Variants in FBXO40 observed in about 807,000 individuals in gnomAD.
The protein encoded by FBXO40 is F-box protein 40.
Under a neutral mutation model 49.9 loss-of-function variants are expected in FBXO40, and 50 were observed. The observed-to-expected ratio is 1.00, with a 90% CI of 0.80 to 1.27. The LOEUF is 1.27. FBXO40 is among the 50% of genes most tolerant of loss of function. The probability of loss-of-function intolerance (pLI) is 0.00; values close to 1 mark genes in which losing one functional copy is unlikely to be tolerated. For synonymous variants in FBXO40, 340 were observed against 320.2 expected (o/e 1.06, Z -0.66); for missense variants, 895 against 870.1 (o/e 1.03, Z -0.36).
rs941896744 is a variant in FBXO40 at position 121,627,583 on chromosome 3, A to G, written c.*673A>G. The stretch of plus-strand genomic sequence containing the variant: ...TCTGTTGCTAGAATCTTGGCAACAT[A>G]CAGCAGGAAAGCCTTGATAAATCGG... On this transcript the variant is annotated 3_prime_UTR_variant, in exon 4 of 4. Coordinates refer to ENST00000338040, the MANE Select transcript of FBXO40 (RefSeq NM_016298.4). 4 of 338,400 alleles carry G rather than the reference A, an allele frequency of 1.2e-5. No homozygotes were observed. The highest frequency in any genetic ancestry group is 4.8e-5 in the Admixed American group (1 of 20,818). 21.0% of individuals were successfully genotyped at this position (338,400 alleles called of 1,614,324 possible). A position where few individuals can be genotyped will look rare whatever the true frequency, so the allele number is the denominator to read the frequency against.
rs1473522638 is a variant in FBXO40 at position 121,621,595 on chromosome 3, C to A, written c.166C>A (p.Leu56Ile). Residue 56 changes from leucine (L) to isoleucine (I), a missense_variant, in exon 3 of 4, where the codon CTC becomes ATC. Transcript: ENST00000338040. ...CATGTGCAAAGAGGCAGAGCACCAG[C>A]TCCTCTGCCCTTTAGAGCAGGTTCC... ...FHMCKEAEHQ[L>I]LCPLEQVPCL... is the part of the protein sequence containing the mutation. 2 of 1,614,244 alleles carry A rather than the reference C, an allele frequency of 1.2e-6. No homozygotes were observed. The highest frequency in any genetic ancestry group is 1.7e-6 in the Non-Finnish European group (2 of 1,180,036).
In FBXO40 at chr3:121,621,809, C is replaced by A; in HGVS notation, c.380C>A (p.Thr127Lys). 1 of 1,614,228 alleles carries A rather than the reference C, an allele frequency of 6.2e-7. No individual in the cohort carries two copies. The highest frequency in any genetic ancestry group is 8.5e-7 in the Non-Finnish European group (1 of 1,180,048). The change falls in exon 3 of 4, where the codon ACA becomes AAA. Residue 127 changes from threonine (T) to lysine (K), a missense_variant. Transcript: ENST00000338040. ...ACCCCCAGTGAGGAGTGTTTGGACA[C>A]AGCCCTGGCCCTGCAGGATCAGAAG... ...KETPSEECLD[T>K]ALALQDQKVL... is the part of the protein sequence containing the mutation.
At chr3:121,608,297 C>G (rs554647418) in intron 1 of FBXO40, among the ~76,000 whole-genome samples, 2 of 152,282 alleles carry the variant, frequency 1.3e-5, no homozygotes, top group African/African-American at 4.8e-5. Context: ...CCACTCTTTC[C>G]AAATGTCGGC....
chr3:121,622,585 A>C lies in FBXO40; in HGVS notation c.1156A>C (p.Thr386Pro). ...KAVDTSDLGITVEDLPKSDLI... is the reference protein window; with the variant it reads ...KAVDTSDLGIPVEDLPKSDLI... Reference sequence around the variant, plus strand: ...AGTGGATACTTCAGATTTGGGGATCACTGTGGAGGACCTGCCCAAATCAGA... The same window carrying C: ...AGTGGATACTTCAGATTTGGGGATCCCTGTGGAGGACCTGCCCAAATCAGA... Residue 386 changes from threonine to proline, a missense_variant, in exon 3 of 4, where the codon ACT (threonine) becomes CCT (proline). Coordinates refer to ENST00000338040, the MANE Select transcript of FBXO40 (RefSeq NM_016298.4). 1 of 1,614,248 alleles carries C rather than the reference A, an allele frequency of 6.2e-7. No individual in the cohort carries two copies. The highest frequency in any genetic ancestry group is 8.5e-7 in the Non-Finnish European group (1 of 1,180,046).
In FBXO40 at chr3:121,600,279, A is replaced by G. The variant is rs191043749; in HGVS notation, c.-31+6777A>G. Among the ~76,000 whole-genome samples, 453 of 148,308 alleles carry G rather than the reference A, an allele frequency of 3.1e-3. 2 individuals carry two copies. The highest frequency in any genetic ancestry group is 0.011 in the African/African-American group (430 of 40,086). ...GATCTCAATCTCCTGAGCTCAAGCA[A>G]TCTCCCACCTTGGCCTCCCAATGTG... On this transcript the variant is annotated intron_variant, in intron 1 of 3. Coordinates refer to ENST00000338040, the MANE Select transcript of FBXO40 (RefSeq NM_016298.4).
chr3:121,622,633 T>C lies in FBXO40; in HGVS notation c.1204T>C (p.Cys402Arg). The change falls in exon 3 of 4, where the codon TGT becomes CGT. Residue 402 changes from cysteine to arginine, a missense_variant. Cys to Arg is a radical substitution (Grantham distance 180). Coordinates refer to ENST00000338040, the MANE Select transcript of FBXO40 (RefSeq NM_016298.4). ...AGATCTCATCAAGACCACCCTCCAG[T>C]GTGCTTTGGAAAGAGAACTCAAAGG... The part of the protein sequence containing the change: ...KSDLIKTTLQ[C>R]ALERELKGHV... 6.2e-7 allele frequency: 1 copy of C among 1,614,186 alleles called. No homozygotes were observed. Among genetic ancestry groups the C allele is most frequent in the Non-Finnish European group, 8.5e-7 (1 of 1,180,024 alleles).
Position 121,628,245 on chromosome 3 carries a change from C to T in FBXO40, c.*1335C>T, listed in dbSNP as rs2049073959. The T allele has an allele frequency of 2.0e-5, 4 of 198,536 alleles. No individual in the cohort carries two copies. The highest frequency in any genetic ancestry group is 3.8e-4 in the South Asian group (2 of 5,204). The allele number at this position is 198,536 out of a possible 1,614,324, so 12.3% of individuals were successfully genotyped here. On this transcript the variant is annotated 3_prime_UTR_variant, in exon 4 of 4. Coordinates refer to ENST00000338040, the MANE Select transcript of FBXO40 (RefSeq NM_016298.4). Reference sequence around the variant, plus strand: ...AGGCTGGAGCGCAATGACATGATCTCGGCTCACCGCAACCTCCGCCTCCTG... The same window carrying T: ...AGGCTGGAGCGCAATGACATGATCTTGGCTCACCGCAACCTCCGCCTCCTG...
intron 3 of FBXO40, among the ~76,000 whole-genome samples, chr3:121,626,493 G>A (rs1190294024): frequency 6.6e-6 from 1 of 152,132 alleles, no homozygotes; most frequent in Non-Finnish European, 1.5e-5. Context: ...CTACAGGGCT[G>A]GTTGGGAAGA....
At chr3:121,606,336 T>G (rs2108846147) in intron 1 of FBXO40, among the ~76,000 whole-genome samples, 1 of 152,294 alleles carries the variant, frequency 6.6e-6, no homozygotes, top group South Asian at 2.1e-4. Context: ...CTTGTGGGGC[T>G]CCATAAGAAA....
At position 121,623,310 on chromosome 3, in the gene FBXO40, C is replaced by T. The variant is rs1402068069; in HGVS notation, c.1881C>T (p.Ser627=). 6.2e-7 allele frequency: 1 copy of T among 1,614,022 alleles called. No homozygotes were observed. The highest frequency in any genetic ancestry group is 1.3e-5 in the African/African-American group (1 of 74,910). Residue 627 remains serine, a synonymous_variant, in exon 3 of 4, where the codon TCC becomes TCT. Coordinates refer to ENST00000338040, the MANE Select transcript of FBXO40 (RefSeq NM_016298.4). ...VLLQWKKKRY[S]HGGTSWRVHR... ...TGCAATGGAAGAAAAAGAGGTATTCCCATGGAGGCACCTCCTGGAGAGTCC... is the reference window on the plus strand; with the variant it reads ...TGCAATGGAAGAAAAAGAGGTATTCTCATGGAGGCACCTCCTGGAGAGTCC...
chr3:121,621,866 T>A lies in FBXO40; in HGVS notation c.437T>A (p.Leu146His), dbSNP rs1244900698. The change falls in exon 3 of 4, where the codon CTT (leucine) becomes CAT (histidine). Residue 146 changes from leucine to histidine, a missense_variant. Physicochemically the swap from Leu to His is moderately conservative, Grantham distance 99 (BLOSUM62 -3). Transcript: ENST00000338040. ...TTCAGATCCTTGAAAATGGTGGAAC[T>A]TTTCCCAGAAACTAGAGAGGCTACT... ...VLFRSLKMVELFPETREATEE... is the reference protein window; with the variant it reads ...VLFRSLKMVEHFPETREATEE... The A allele has an allele frequency of 1.2e-6, 2 of 1,613,990 alleles. No homozygotes were observed. The highest frequency in any genetic ancestry group is 1.7e-6 in the Non-Finnish European group (2 of 1,180,024).
intron 1 of FBXO40, among the ~76,000 whole-genome samples, chr3:121,597,182 A>T (rs545546119): frequency 6.6e-6 from 1 of 152,302 alleles, no homozygotes; most frequent in East Asian, 1.9e-4. Context: ...CAAGGACCAC[A>T]CTTTCCTTTT....
At position 121,622,130 on chromosome 3, in the gene FBXO40, C is replaced by T. The variant is rs1284871073; in HGVS notation, c.701C>T (p.Ser234Leu). Residue 234 changes from serine to leucine, a missense_variant, in exon 3 of 4, where the codon TCA (serine) becomes TTA (leucine). By Grantham distance (145) the Ser-to-Leu change is moderately radical (BLOSUM62 -2). Transcript: ENST00000338040. ...KEHAASALTN[S>L]SASCESKNKN... is the part of the protein sequence containing the mutation. Reference sequence around the variant, plus strand: ...CACGCAGCCTCTGCTTTAACAAATTCATCAGCGAGCTGTGAGAGCAAGAAC... The same window carrying T: ...CACGCAGCCTCTGCTTTAACAAATTTATCAGCGAGCTGTGAGAGCAAGAAC... 2.5e-6 allele frequency: 4 copies of T among 1,614,062 alleles called. No homozygotes were observed. The highest frequency in any genetic ancestry group is 1.6e-4 in the Middle Eastern group (1 of 6,084).
Position 121,611,792 on chromosome 3 carries a change from G to A in FBXO40, c.-30-8754G>A, listed in dbSNP as rs567624962. On this transcript the variant is annotated intron_variant, in intron 1 of 3. Coordinates refer to ENST00000338040, the MANE Select transcript of FBXO40 (RefSeq NM_016298.4). ...AGGGCAGAGGTCCCTGCGGCTTTCC[G>A]CAGTGCATCGTGCCTCTGGTTTATT... 5.3e-5 allele frequency among the ~76,000 whole-genome samples: 8 copies of A among 152,344 alleles called. No homozygotes were observed. The East Asian group carries it at 9.6e-4, about 18-fold the overall frequency.
chr3:121,625,641 C>A (rs1560133782), intron 3 of FBXO40, among the ~76,000 whole-genome samples: 7 of 152,134 alleles, frequency 4.6e-5, no homozygotes, highest in Admixed American at 4.6e-4. Context: ...AATTTAGATA[C>A]TATAAATTAT....
intron 1 of FBXO40, among the ~76,000 whole-genome samples, chr3:121,611,157 G>A (rs970361188): frequency 1.3e-5 from 2 of 152,164 alleles, no homozygotes; most frequent in African/African-American, 4.8e-5. Flanking sequence ...CGGGTGGGAC[G>A]AGAGACTGAG....
At chr3:121,615,589 A>G (rs1301069454) in intron 1 of FBXO40, among the ~76,000 whole-genome samples, 1 of 151,598 alleles carries the variant, frequency 6.6e-6, no homozygotes, top group Non-Finnish European at 1.5e-5. Flanking sequence ...GAAGAAGAAG[A>G]AAGAAAGAAA....
At chr3:121,593,779 T>C (rs558313767) in intron 1 of FBXO40, among the ~76,000 whole-genome samples, 1 of 152,294 alleles carries the variant, frequency 6.6e-6, no homozygotes, top group East Asian at 1.9e-4. Flanking sequence ...ATCTGTAAAG[T>C]TACAACATGG....
chr3:121,612,389 C>A (rs1325161208), intron 1 of FBXO40, among the ~76,000 whole-genome samples: 1 of 151,990 alleles, frequency 6.6e-6, no homozygotes, highest in African/African-American at 2.4e-5. Flanking sequence ...CATCGGACAA[C>A]CCCAAATAAC....
Sources: gnomAD v4.1 joint callset for allele counts (sites outside exome capture counted in the v4.1 genomes callset) on GRCh38, gnomAD v4.1.1 for gene constraint, MANE v1.5 for transcripts, NCBI Gene and HGNC (gene_info 2026-07-23, HGNC 2026-07-21) for gene names.